Variants in TACR3 observed in about 807,000 individuals in gnomAD.
The protein encoded by TACR3 is neuromedin-K receptor.
In TACR3, 34 loss-of-function variants were observed where a neutral mutation model predicts 35.0. The ratio of observed to expected loss-of-function variants is 0.97; its 90% CI spans 0.74 to 1.30. The LOEUF (loss-of-function observed/expected upper bound fraction) is 1.30. TACR3 is among the 50% of genes most tolerant of loss of function. The pLI is 0.00. For synonymous variants in TACR3, 233 were observed against 221.1 expected, an observed-to-expected ratio of 1.05 and a Z score of -0.48; for missense variants, 558 against 591.7, an observed-to-expected ratio of 0.94 and a Z score of 0.59.
intron 1 of TACR3, among the ~76,000 whole-genome samples, chr4:103,699,532 T>C (rs1722599222): frequency 6.6e-6 from 1 of 152,152 alleles, no homozygotes. Context: ...ACTCTGGCTG[T>C]TGCACTGAGA....
In TACR3 at chr4:103,662,217, G is replaced by GGTTTTTTTTTTTTTTTTTTT. The variant is rs1553972885; in HGVS notation, c.549-3815_549-3814insAAAAAAAAAAAAAAAAAAAC. On this transcript the variant is annotated intron_variant, in intron 1 of 4. Coordinates refer to ENST00000304883, the MANE Select transcript of TACR3 (RefSeq NM_001059.3). ...TGTGAAAAACTCCTATGTTGATGGT[G>GGTTTTTTTTTTTTTTTTTTT]TTTTTTTTTTTTTTTTTTTTGAGAC... is the stretch of plus-strand genomic sequence containing the variant. Among the ~76,000 whole-genome samples, 10 of 86,272 alleles carry GGTTTTTTTTTTTTTTTTTTT rather than the reference G, an allele frequency of 1.2e-4. 3 individuals carry two copies. The highest frequency in any genetic ancestry group is 2.6e-4 in the African/African-American group (5 of 19,538). The allele number at this position is 86,272 out of a possible 152,430, so 56.6% of individuals were successfully genotyped here. A position where few individuals can be genotyped will look rare whatever the true frequency, so the allele number is the denominator to read the frequency against.
chr4:103,694,517 C>T (rs561443688), intron 1 of TACR3, among the ~76,000 whole-genome samples: 1 of 152,228 alleles, frequency 6.6e-6, no homozygotes, highest in East Asian at 1.9e-4. Flanking sequence ...TAGCCCCTCT[C>T]CCCAACCTAA....
intron 1 of TACR3, among the ~76,000 whole-genome samples, chr4:103,706,116 G>A (rs1722781985): frequency 6.6e-6 from 1 of 152,052 alleles, no homozygotes; most frequent in Admixed American, 6.6e-5. Flanking sequence ...ATAGATTTGT[G>A]AGTTATTTGA....
intron 3 of TACR3, among the ~76,000 whole-genome samples, chr4:103,618,096 C>A (rs1051103993): frequency 6.6e-6 from 1 of 152,008 alleles, no homozygotes; most frequent in Non-Finnish European, 1.5e-5. Context: ...AAAAATAATT[C>A]TATTTGTGTT....
intron 3 of TACR3, among the ~76,000 whole-genome samples, chr4:103,647,003 T>C (rs941302759): frequency 6.6e-6 from 1 of 151,952 alleles, no homozygotes; most frequent in African/African-American, 2.4e-5. Flanking sequence ...GCCCCTCTAC[T>C]CATTTCCTCC....
At chr4:103,598,844 T>A (rs1724111885) in intron 3 of TACR3, among the ~76,000 whole-genome samples, 1 of 152,214 alleles carries the variant, frequency 6.6e-6, no homozygotes, top group African/African-American at 2.4e-5. Context: ...CCATGCTGTT[T>A]TGGTTACTGT....
At chr4:103,652,075 C>A (rs1304763919) in intron 3 of TACR3, among the ~76,000 whole-genome samples, 1 of 152,052 alleles carries the variant, frequency 6.6e-6, no homozygotes. Flanking sequence ...GGTACATGCA[C>A]CCCCTTAGTC....
chr4:103,591,950 A>G (rs1313700558), intron 3 of TACR3, among the ~76,000 whole-genome samples: 1 of 152,314 alleles, frequency 6.6e-6, no homozygotes, highest in East Asian at 1.9e-4. Flanking sequence ...GATTGGCCTG[A>G]AGAAAATCAG....
At chr4:103,607,275 C>T (rs1724397573) in intron 3 of TACR3, among the ~76,000 whole-genome samples, 2 of 151,956 alleles carry the variant, frequency 1.3e-5, no homozygotes, top group Non-Finnish European at 2.9e-5. Flanking sequence ...TCATTTTGTG[C>T]CCCTAGAAAT....
chr4:103,659,078 T>C (rs1725786751), intron 1 of TACR3, among the ~76,000 whole-genome samples: 1 of 152,094 alleles, frequency 6.6e-6, no homozygotes, highest in Non-Finnish European at 1.5e-5. Flanking sequence ...CTAATGCCGC[T>C]GACCTGACAG....
At chr4:103,673,361 T>G (rs973117792) in intron 1 of TACR3, among the ~76,000 whole-genome samples, 5 of 152,202 alleles carry the variant, frequency 3.3e-5, no homozygotes, top group Non-Finnish European at 7.4e-5. Flanking sequence ...TGTGACTCTT[T>G]CATTTCAACA....
intron 1 of TACR3, among the ~76,000 whole-genome samples, chr4:103,695,416 A>G (rs1722500653): frequency 6.6e-6 from 1 of 152,066 alleles, no homozygotes. Flanking sequence ...GAGAATAAAG[A>G]CCTGTATGAT....
intron 1 of TACR3, among the ~76,000 whole-genome samples, chr4:103,683,494 A>AAAAAAAAAAAG (rs1722150904): frequency 7.5e-6 from 1 of 132,714 alleles, no homozygotes; most frequent in African/African-American, 3.5e-5. Flanking sequence ...AAAAAAAAAA[A>AAAAAAAAAAAG]AGAGAGAGAG....
At chr4:103,597,565 A>G (rs188766127) in intron 3 of TACR3, among the ~76,000 whole-genome samples, 228 of 152,086 alleles carry the variant, frequency 1.5e-3, no homozygotes, top group African/African-American at 5.3e-3. Flanking sequence ...TTAACTCGTC[A>G]TTTACATTAG....
intron 1 of TACR3, among the ~76,000 whole-genome samples, chr4:103,682,500 C>T (rs1296510371): frequency 6.6e-6 from 1 of 152,066 alleles, no homozygotes; most frequent in East Asian, 1.9e-4. Context: ...AACTCACTCA[C>T]TATCACGAGA....
chr4:103,674,261 A>G (rs1726119155), intron 1 of TACR3, among the ~76,000 whole-genome samples: 1 of 152,052 alleles, frequency 6.6e-6, no homozygotes, highest in African/African-American at 2.4e-5. Flanking sequence ...AAAATGACTC[A>G]CAGCTAGCTA....
chr4:103,611,826 T>C (rs980380109), intron 3 of TACR3, among the ~76,000 whole-genome samples: 1 of 152,200 alleles, frequency 6.6e-6, no homozygotes, highest in Non-Finnish European at 1.5e-5. Flanking sequence ...CAGACACTTA[T>C]AAGTCATGGT....
chr4:103,620,707 G>A (rs1357224623), intron 3 of TACR3, among the ~76,000 whole-genome samples: 1 of 151,828 alleles, frequency 6.6e-6, no homozygotes, highest in Non-Finnish European at 1.5e-5. Flanking sequence ...AGCACACATG[G>A]ACATAAATAT....
At chr4:103,711,873 A>C (rs1287107725) in intron 1 of TACR3, among the ~76,000 whole-genome samples, 3 of 152,224 alleles carry the variant, frequency 2.0e-5, no homozygotes, top group Non-Finnish European at 4.4e-5. Context: ...GAGCCAAATC[A>C]TGAGTGAACT....
Sources: allele counts gnomAD v4.1 joint callset (sites outside exome capture counted in the v4.1 genomes callset), GRCh38; gene constraint gnomAD v4.1.1; transcripts MANE v1.5; gene names NCBI Gene and HGNC (gene_info 2026-07-23, HGNC 2026-07-21).